The following ZBTB7C variants were observed in gnomAD, a reference collection of about 807,000 sequenced individuals.
The protein encoded by ZBTB7C is zinc finger and BTB domain-containing protein 7C.
In ZBTB7C, 8 loss-of-function variants were observed where a neutral mutation model predicts 25.7. The ratio of observed to expected loss-of-function variants is 0.31; its 90% CI spans 0.18 to 0.56. The LOEUF is 0.56. ZBTB7C is among the 20% of genes least tolerant of loss of function. The pLI, the probability that ZBTB7C is intolerant of heterozygous loss-of-function variation, is 0.91. For synonymous variants in ZBTB7C, 394 were observed against 369.0 expected (o/e 1.07, Z -0.78); for missense variants, 824 against 855.2 (o/e 0.96, Z 0.46).
chr18:48,324,183 C>A (rs1206734746), intron 2 of ZBTB7C, among the ~76,000 whole-genome samples: 1 of 152,140 alleles, frequency 6.6e-6, no homozygotes, highest in East Asian at 1.9e-4. Context: ...GTTACCACAG[C>A]CCAAATGGAC....
intron 2 of ZBTB7C, among the ~76,000 whole-genome samples, chr18:48,309,224 C>T (rs1387011638): frequency 6.6e-6 from 1 of 152,238 alleles, no homozygotes; most frequent in Non-Finnish European, 1.5e-5. Flanking sequence ...GACCACTAGT[C>T]TCCATTAGCA....
chr18:48,218,496 G>A (rs1444042261), intron 2 of ZBTB7C, among the ~76,000 whole-genome samples: 4 of 152,256 alleles, frequency 2.6e-5, no homozygotes, highest in Non-Finnish European at 5.9e-5. Flanking sequence ...GCATGGGACA[G>A]CTTGGGGTTT....
chr18:48,094,497 A>G (rs913554413), intron 3 of ZBTB7C, among the ~76,000 whole-genome samples: 3 of 152,204 alleles, frequency 2.0e-5, no homozygotes, highest in Non-Finnish European at 2.9e-5. Flanking sequence ...CACTCTGGAC[A>G]TCAGCTTTCA....
intron 2 of ZBTB7C, among the ~76,000 whole-genome samples, chr18:48,283,796 C>T (rs937423983): frequency 4.6e-5 from 7 of 152,262 alleles, no homozygotes; most frequent in Admixed American, 6.5e-5. Context: ...AAAGGAGACT[C>T]AGCTGAGCAT....
rs1361421253 is a variant in ZBTB7C at position 48,136,932 on chromosome 18, C to T, written c.-17+49002G>A. 9.3e-6 allele frequency: 9 copies of T among 970,252 alleles called. No homozygotes were observed. In the Admixed American group the frequency reaches 1.8e-4, roughly 20 times the overall value. 60.1% of individuals were successfully genotyped at this position (970,252 alleles called of 1,614,324 possible). Reference sequence around the variant, plus strand: ...GAAGGGCTTCCTCCCCCACCCCCTCCCCACGGCCCGGCCGCTGGGCTCCCC... The same window carrying T: ...GAAGGGCTTCCTCCCCCACCCCCTCTCCACGGCCCGGCCGCTGGGCTCCCC... On this transcript the variant is annotated intron_variant, in intron 3 of 4. Coordinates refer to ENST00000590800, the MANE Select transcript of ZBTB7C (RefSeq NM_001318841.2).
At chr18:48,128,936 C>A (rs917436585) in intron 3 of ZBTB7C, among the ~76,000 whole-genome samples, 1 of 152,010 alleles carries the variant, frequency 6.6e-6, no homozygotes, top group African/African-American at 2.4e-5. Flanking sequence ...GAGAAGGGGA[C>A]CATGTGGTAG....
At chr18:48,113,519 C>T (rs573517772) in intron 3 of ZBTB7C, among the ~76,000 whole-genome samples, 6 of 152,220 alleles carry the variant, frequency 3.9e-5, no homozygotes, top group African/African-American at 9.6e-5. Flanking sequence ...GGAGGTGCCC[C>T]GGCTGGCCCA....
At chr18:48,035,027 C>T (rs541085019) in intron 4 of ZBTB7C, among the ~76,000 whole-genome samples, 37 of 152,324 alleles carry the variant, frequency 2.4e-4, no homozygotes, top group African/African-American at 8.2e-4. Context: ...ACTGCTAATG[C>T]CATTACATTA....
intron 1 of ZBTB7C, among the ~76,000 whole-genome samples, chr18:48,346,105 T>G (rs1238913210): frequency 6.6e-6 from 1 of 151,656 alleles, no homozygotes; most frequent in Non-Finnish European, 1.5e-5. Flanking sequence ...TTTTAATGTT[T>G]ACATGCTTCT....
At chr18:48,248,510 G>A (rs1290434925) in intron 2 of ZBTB7C, among the ~76,000 whole-genome samples, 1 of 152,042 alleles carries the variant, frequency 6.6e-6, no homozygotes, top group Non-Finnish European at 1.5e-5. Context: ...GGCCTGTCCT[G>A]AACACTAAAT....
chr18:48,068,916 C>T (rs1035200571), intron 3 of ZBTB7C, among the ~76,000 whole-genome samples: 1 of 152,192 alleles, frequency 6.6e-6, no homozygotes, highest in Non-Finnish European at 1.5e-5. Flanking sequence ...GGGCCGAGGA[C>T]ATCGTAGTGG....
chr18:48,174,133 TA>T (rs541442093), intron 3 of ZBTB7C, among the ~76,000 whole-genome samples: 62 of 152,238 alleles, frequency 4.1e-4, no homozygotes, highest in Non-Finnish European at 7.9e-4. Flanking sequence ...CAAACAAATT[TA>T]TATGGCAAAT....
intron 3 of ZBTB7C, among the ~76,000 whole-genome samples, chr18:48,181,905 C>T (rs1452846198): frequency 2.6e-5 from 4 of 152,170 alleles, no homozygotes; most frequent in South Asian, 2.1e-4. Flanking sequence ...TTAGGGTTTA[C>T]GCTACCTTCT....
chr18:48,346,852 T>C (rs2046743338), intron 1 of ZBTB7C, among the ~76,000 whole-genome samples: 2 of 152,068 alleles, frequency 1.3e-5, no homozygotes, highest in Admixed American at 1.3e-4. Flanking sequence ...TGGTGGGATC[T>C]TGGGTCACTG....
chr18:48,281,447 A>G (rs564924821), intron 2 of ZBTB7C, among the ~76,000 whole-genome samples: 2 of 152,318 alleles, frequency 1.3e-5, no homozygotes, highest in South Asian at 2.1e-4. Flanking sequence ...AACAAAAGCC[A>G]AAATTGACAA....
chr18:48,162,443 G>C (rs963695425), intron 3 of ZBTB7C: 3 of 454,902 alleles, frequency 6.6e-6, no homozygotes, highest in South Asian at 4.7e-5. Flanking sequence ...TGAGTGCTGC[G>C]GTTTGGTGCC....
At chr18:48,409,039 C>T (rs2048347187) in intron 1 of ZBTB7C, among the ~76,000 whole-genome samples, 187 bp downstream of exon 1, 1 of 151,276 alleles carries the variant, frequency 6.6e-6, no homozygotes, top group African/African-American at 2.4e-5. Context: ...CTGCTCCAGC[C>T]GGCGCCCCAA....
intron 3 of ZBTB7C, chr18:48,136,966 G>A: frequency 3.1e-6 from 2 of 655,194 alleles, no homozygotes; most frequent in Non-Finnish European, 3.8e-6. Flanking sequence ...CCAGAGCCCC[G>A]ATCCTAGCCC....
intron 3 of ZBTB7C, among the ~76,000 whole-genome samples, chr18:48,052,526 G>A (rs2036731351): frequency 6.6e-6 from 1 of 152,178 alleles, no homozygotes. Context: ...GGCTCTGGAA[G>A]CTGAGTCCAT....
Sources: gnomAD v4.1 joint callset for allele counts (sites outside exome capture counted in the v4.1 genomes callset) on GRCh38, gnomAD v4.1.1 for gene constraint, MANE v1.5 for transcripts, NCBI Gene and HGNC (gene_info 2026-07-23, HGNC 2026-07-21) for gene names.